Variants in EYS observed in about 807,000 individuals in gnomAD.
EYS encodes the protein protein eyes shut homolog.
EYS carries 250 observed loss-of-function variants against 282.1 expected under a neutral mutation model. The ratio of observed to expected loss-of-function variants is 0.89; its 90% CI spans 0.80 to 0.98. The LOEUF is 0.98. EYS is among the 50% of genes least tolerant of loss of function. The pLI is 0.00. For synonymous variants in EYS, 1,355 were observed against 1,282.9 expected (o/e 1.06, Z -1.20); for missense variants, 4,016 against 3,709.0 (o/e 1.08, Z -2.15).
chr6:64,636,590 G>T (rs1352331408), intron 22 of EYS, among the ~76,000 whole-genome samples: 2 of 152,084 alleles, frequency 1.3e-5, no homozygotes, highest in African/African-American at 4.8e-5. Flanking sequence ...ATTGACAAAT[G>T]GGATCTCATT....
chr6:65,508,911 C>T (rs1021379641), intron 2 of EYS, among the ~76,000 whole-genome samples: 3 of 152,100 alleles, frequency 2.0e-5, no homozygotes, highest in African/African-American at 7.2e-5. Context: ...CAGATCTTTA[C>T]AGTGAGAACG....
intron 12 of EYS, among the ~76,000 whole-genome samples, chr6:65,235,710 T>C (rs1766904919): frequency 6.6e-6 from 1 of 152,208 alleles, no homozygotes; most frequent in Non-Finnish European, 1.5e-5. Context: ...CTAGATTATT[T>C]AGCAAAATTT....
At chr6:65,072,557 A>C (rs1473366596) in intron 12 of EYS, among the ~76,000 whole-genome samples, 1 of 151,926 alleles carries the variant, frequency 6.6e-6, no homozygotes, top group Non-Finnish European at 1.5e-5. Flanking sequence ...GAAAGTTTCT[A>C]AAATAATAAA....
At chr6:64,907,150 T>C (rs1284168257) in intron 16 of EYS, among the ~76,000 whole-genome samples, 1 of 152,156 alleles carries the variant, frequency 6.6e-6, no homozygotes, top group Admixed American at 6.5e-5. Flanking sequence ...ACTCCTTTGC[T>C]CTAGTGATCC....
At chr6:65,476,494 A>G (rs62407695) in intron 5 of EYS, among the ~76,000 whole-genome samples, 339 of 152,284 alleles carry the variant, frequency 2.2e-3, no homozygotes, top group Non-Finnish European at 4.0e-3. Flanking sequence ...GAATTGTGGC[A>G]TAATTTGAGT....
chr6:65,073,881 A>G (rs891688617), intron 12 of EYS, among the ~76,000 whole-genome samples: 1 of 152,014 alleles, frequency 6.6e-6, no homozygotes, highest in African/African-American at 2.4e-5. Context: ...ACAACTAAAC[A>G]CTGCCACCTA....
intron 12 of EYS, among the ~76,000 whole-genome samples, chr6:65,181,405 A>T (rs1169297254): frequency 6.6e-6 from 1 of 152,204 alleles, no homozygotes; most frequent in Non-Finnish European, 1.5e-5. Context: ...AAGGATATGA[A>T]CAGACACTTT....
intron 12 of EYS, among the ~76,000 whole-genome samples, chr6:65,284,472 A>G (rs1404118305): frequency 2.0e-5 from 3 of 152,078 alleles, no homozygotes; most frequent in East Asian, 1.9e-4. Flanking sequence ...GCTTATAACT[A>G]TTAAAATTGA....
intron 2 of EYS, among the ~76,000 whole-genome samples, chr6:65,586,574 A>G (rs1765056525): frequency 6.6e-6 from 1 of 152,116 alleles, no homozygotes; most frequent in African/African-American, 2.4e-5. Context: ...GTAGCAACAT[A>G]CTTTTTATAC....
At chr6:64,055,940 G>A (rs569788036) in intron 33 of EYS, among the ~76,000 whole-genome samples, 2 of 152,214 alleles carry the variant, frequency 1.3e-5, no homozygotes, top group South Asian at 4.1e-4. Flanking sequence ...GCGGATTGTA[G>A]CCATCAGCCT....
At chr6:65,113,214 G>A (rs1775265176) in intron 12 of EYS, among the ~76,000 whole-genome samples, 1 of 151,898 alleles carries the variant, frequency 6.6e-6, no homozygotes, top group Admixed American at 6.6e-5. Flanking sequence ...AATAATATTT[G>A]CAGAATCAAA....
intron 5 of EYS, among the ~76,000 whole-genome samples, chr6:65,432,443 G>A (rs1156693707): frequency 6.6e-6 from 1 of 151,976 alleles, no homozygotes; most frequent in African/African-American, 2.4e-5. Flanking sequence ...AGATGCAGAC[G>A]AGTATTACGA....
At chr6:63,811,331 C>G (rs552691204) in intron 36 of EYS, among the ~76,000 whole-genome samples, 2 of 152,318 alleles carry the variant, frequency 1.3e-5, no homozygotes, top group Admixed American at 1.3e-4. Flanking sequence ...GTTAAGATCA[C>G]TAGTGACCAC....
intron 13 of EYS, among the ~76,000 whole-genome samples, chr6:65,043,489 A>G (rs1773001365): frequency 6.6e-6 from 1 of 151,466 alleles, no homozygotes; most frequent in African/African-American, 2.4e-5. Context: ...TAGATTTCAA[A>G]TCTTATGCCT....
At chr6:65,654,204 A>T (rs1342930593) in intron 1 of EYS, among the ~76,000 whole-genome samples, 1 of 151,888 alleles carries the variant, frequency 6.6e-6, no homozygotes, top group Non-Finnish European at 1.5e-5. Context: ...GTTTCTTTTA[A>T]AAAAGGTAGC....
chr6:64,658,804 C>A (rs1190078771), intron 22 of EYS, among the ~76,000 whole-genome samples: 1 of 152,134 alleles, frequency 6.6e-6, no homozygotes, highest in Non-Finnish European at 1.5e-5. Context: ...GGGGGTCACC[C>A]CACTGTCAAT....
intron 32 of EYS, among the ~76,000 whole-genome samples, chr6:64,072,869 G>A (rs979573812): frequency 1.3e-5 from 2 of 151,898 alleles, no homozygotes; most frequent in African/African-American, 4.8e-5. Context: ...CAGAACAGCT[G>A]AGCATTTAGG....
chr6:65,440,417 A>C (rs1258454298), intron 5 of EYS, among the ~76,000 whole-genome samples: 1 of 151,430 alleles, frequency 6.6e-6, no homozygotes, highest in African/African-American at 2.4e-5. Flanking sequence ...AAAACCAAAA[A>C]CCCCCTTGAC....
At chr6:64,463,480 A>T (rs987062041) in intron 26 of EYS, among the ~76,000 whole-genome samples, 11 of 152,206 alleles carry the variant, frequency 7.2e-5, no homozygotes, top group African/African-American at 2.4e-4. Flanking sequence ...GCTGATCCTT[A>T]CATTCTAGAA....
Sources: gnomAD v4.1 joint callset for allele counts (sites outside exome capture counted in the v4.1 genomes callset) on GRCh38, gnomAD v4.1.1 for gene constraint, MANE v1.5 for transcripts, NCBI Gene and HGNC (gene_info 2026-07-23, HGNC 2026-07-21) for gene names.